PCCA: variants seen among roughly 807,000 people sequenced by gnomAD.
The protein encoded by PCCA is propionyl-CoA carboxylase alpha chain, mitochondrial.
In PCCA, 74 loss-of-function variants were observed where a neutral mutation model predicts 101.3. The observed-to-expected ratio is 0.73, with a 90% confidence interval of 0.61 to 0.89. The LOEUF is 0.89. Among genes scored for constraint, PCCA ranks in the 40% least tolerant of loss-of-function variants. The pLI is 0.00. For missense variants in PCCA, 891 were observed against 907.0 expected (o/e 0.98, Z 0.23); for synonymous variants, 294 against 313.6 (o/e 0.94, Z 0.66).
At chr13:100,464,245 T>C (rs886611780) in intron 21 of PCCA, among the ~76,000 whole-genome samples, 1 of 152,176 alleles carries the variant, frequency 6.6e-6, no homozygotes, top group East Asian at 1.9e-4. Flanking sequence ...GGGGGAGGAA[T>C]AAGTAGAGTT....
chr13:100,161,273 G>T (rs1003133567), intron 6 of PCCA: 1 of 151,946 alleles, frequency 6.6e-6, no homozygotes, highest in Non-Finnish European at 1.5e-5. Context: ...GACCTCCCCC[G>T]GCCCCCAGAA....
At chr13:100,306,164 A>G (rs1412921276) in intron 14 of PCCA, among the ~76,000 whole-genome samples, 1 of 152,140 alleles carries the variant, frequency 6.6e-6, no homozygotes, top group Non-Finnish European at 1.5e-5. Context: ...CGCTGTGTTG[A>G]CCTTTTTCTG....
chr13:100,436,330 G>T lies in PCCA; in HGVS notation c.1845+10599G>T, dbSNP rs143922843. Among the ~76,000 whole-genome samples the T allele has an allele frequency of 2.4e-4, 36 of 152,322 alleles. No homozygotes were observed. The East Asian group carries it at 6.8e-3, about 29-fold the overall frequency. On this transcript the variant is annotated intron_variant, in intron 20 of 23. Coordinates refer to ENST00000376285, the MANE Select transcript of PCCA (RefSeq NM_000282.4). The stretch of plus-strand genomic sequence containing the variant: ...TCTTATGCAAATGAAGACTTGGCTG[G>T]CAATCAGTCTGATTGGTTTTGGACA...
rs2066065240 is a variant in PCCA, at chr13:100,301,594, T to A, written c.1200T>A (p.Val400=). 6.2e-7 allele frequency: 1 copy of A among 1,613,914 alleles called. No individual in the cohort carries two copies. The highest frequency in any genetic ancestry group is 1.3e-5 in the African/African-American group (1 of 74,892). ...ACGGCTGGGCAGTTGAATGTCGGGT[T>A]TATGCTGAGGTAAAATGAATGGTGT... The part of the protein sequence containing the change: ...RINGWAVECR[V]YAEDPYKSFG... The change falls in exon 13 of 24, where the codon GTT becomes GTA. Residue 400 remains valine (V), a synonymous_variant. Coordinates refer to ENST00000376285, the MANE Select transcript of PCCA (RefSeq NM_000282.4).
At chr13:100,274,736 C>T (rs901679086) in intron 12 of PCCA, among the ~76,000 whole-genome samples, 5 of 152,162 alleles carry the variant, frequency 3.3e-5, no homozygotes, top group Non-Finnish European at 2.9e-5. Flanking sequence ...ACATTGGATT[C>T]AGGACCCTTC....
At chr13:100,373,515 C>G in intron 19 of PCCA, among the ~76,000 whole-genome samples, 1 of 152,038 alleles carries the variant, frequency 6.6e-6, no homozygotes, top group East Asian at 1.9e-4. Context: ...AAATACTGTA[C>G]GATTCCACTT....
chr13:100,234,050 C>T (rs1374867732), intron 7 of PCCA, among the ~76,000 whole-genome samples: 1 of 152,174 alleles, frequency 6.6e-6, no homozygotes, highest in Non-Finnish European at 1.5e-5. Context: ...TTTATTTTCT[C>T]TCATCACGTT....
intron 18 of PCCA, among the ~76,000 whole-genome samples, chr13:100,344,791 C>G (rs1234782880): frequency 1.3e-5 from 2 of 152,154 alleles, no homozygotes; most frequent in Admixed American, 1.3e-4. Context: ...TATGGCAACC[C>G]TGCATTGAGC....
chr13:100,251,893 A>G (rs1401699818), intron 8 of PCCA, among the ~76,000 whole-genome samples: 1 of 152,198 alleles, frequency 6.6e-6, no homozygotes, highest in Non-Finnish European at 1.5e-5. Flanking sequence ...ATATTCTATC[A>G]AACAACCACC....
chr13:100,381,873 G>A (rs1192310541), intron 19 of PCCA, among the ~76,000 whole-genome samples: 1 of 152,220 alleles, frequency 6.6e-6, no homozygotes, highest in Non-Finnish European at 1.5e-5. Flanking sequence ...AGGTGAGTGG[G>A]TGCAGGAACC....
intron 16 of PCCA, among the ~76,000 whole-genome samples, chr13:100,325,090 G>A (rs1041031743): frequency 2.6e-5 from 4 of 152,138 alleles, no homozygotes; most frequent in Non-Finnish European, 5.9e-5. Context: ...TGAATCCCAT[G>A]TAAGGACCAT....
intron 17 of PCCA, among the ~76,000 whole-genome samples, chr13:100,335,917 C>T (rs147979738): frequency 2.0e-5 from 3 of 152,270 alleles, no homozygotes; most frequent in African/African-American, 4.8e-5. Context: ...CCATAGCCCA[C>T]GAAGAGAGAA....
intron 18 of PCCA, among the ~76,000 whole-genome samples, chr13:100,349,581 TATCCTC>T (rs1181159072): frequency 1.3e-5 from 2 of 152,360 alleles, no homozygotes; most frequent in African/African-American, 4.8e-5. Context: ...GTTTCTACTT[TATCCTC>T]ATAATTTCCC....
chr13:100,336,874 C>T (rs1181618374), intron 17 of PCCA, among the ~76,000 whole-genome samples: 2 of 152,148 alleles, frequency 1.3e-5, no homozygotes, highest in South Asian at 2.1e-4. Flanking sequence ...AGACCTGTAA[C>T]AAGTACAAGT....
rs759926389 is a variant in PCCA at position 100,348,906 on chromosome 13, C to CT, written c.1643+8649dup. 5.6e-3 allele frequency among the ~76,000 whole-genome samples: 324 copies of CT among 58,330 alleles called. 10 individuals are homozygous for CT. The South Asian group carries it at 0.07, about 13-fold the overall frequency. 38.3% of individuals were successfully genotyped at this position (58,330 alleles called of 152,430 possible). On this transcript the variant is annotated intron_variant, in intron 18 of 23. Coordinates refer to ENST00000376285, the MANE Select transcript of PCCA (RefSeq NM_000282.4). ...TTTTCTTTCTTTCCTTCCTTCCTTC[C>CT]TTCCTTTCTTTTCTTTTCTTTTCTT...
chr13:100,363,347 A>G (rs2074838977), intron 18 of PCCA, among the ~76,000 whole-genome samples: 1 of 151,520 alleles, frequency 6.6e-6, no homozygotes, highest in South Asian at 2.1e-4. Context: ...ATCTGTCTAA[A>G]CATCTCTCTC....
intron 18 of PCCA, among the ~76,000 whole-genome samples, chr13:100,359,054 C>T (rs932583350): frequency 2.2e-5 from 3 of 135,738 alleles, no homozygotes; most frequent in Non-Finnish European, 3.1e-5. Flanking sequence ...GAGCTGAGAT[C>T]GTGCCACTGC....
intron 6 of PCCA, among the ~76,000 whole-genome samples, chr13:100,199,503 G>A (rs1429127166): frequency 1.3e-5 from 2 of 152,136 alleles, no homozygotes; most frequent in Non-Finnish European, 2.9e-5. Context: ...ACTGCATGGC[G>A]ATGCTATAGC....
intron 16 of PCCA, among the ~76,000 whole-genome samples, chr13:100,317,317 C>T (rs369653878): frequency 2.0e-5 from 3 of 151,962 alleles, no homozygotes; most frequent in African/African-American, 4.8e-5. Context: ...TTTTATTTCA[C>T]GTTTCTCTGT....
Sources: allele counts gnomAD v4.1 joint callset (sites outside exome capture counted in the v4.1 genomes callset), GRCh38; gene constraint gnomAD v4.1.1; transcripts MANE v1.5; gene names NCBI Gene and HGNC (gene_info 2026-07-23, HGNC 2026-07-21).